ETS1: variants seen among roughly 807,000 people sequenced by gnomAD.
The protein encoded by ETS1 is protein C-ets-1.
A neutral mutation model predicts 58.6 loss-of-function variants in ETS1; 15 were observed. The observed-to-expected ratio is 0.26, with a 90% CI of 0.17 to 0.39. The LOEUF (loss-of-function observed/expected upper bound fraction) is 0.39, where lower values mean the gene tolerates loss of function less well. ETS1 is among the 10% of genes least tolerant of loss of function. The pLI is 1.00. For missense variants in ETS1, 417 were observed against 610.5 expected (o/e 0.68, Z 3.34); for synonymous variants, 214 against 218.2 (o/e 0.98, Z 0.17).
intron 3 of ETS1, among the ~76,000 whole-genome samples, chr11:128,513,696 T>C (rs1236260242): frequency 1.3e-5 from 2 of 152,158 alleles, no homozygotes; most frequent in Non-Finnish European, 2.9e-5. Flanking sequence ...AGTACAAAAG[T>C]CGGTTACATG....
intron 3 of ETS1, among the ~76,000 whole-genome samples, chr11:128,499,325 TC>T (rs1165429693): frequency 6.6e-6 from 1 of 152,102 alleles, no homozygotes. Flanking sequence ...TTCACTTAAC[TC>T]CCACCTATAA....
rs759946640 is a variant in ETS1, at chr11:128,573,076, G to A, written c.55C>T (p.Arg19Cys). Reference sequence around the variant, plus strand: ...CCACCACTCACCACCACTGCAGGACGAGGCGCTGAGTAAGGGACGGGGCTG... The same window carrying A: ...CCACCACTCACCACCACTGCAGGACAAGGCGCTGAGTAAGGGACGGGGCTG... ...GSSPVPYSAP[R>C]PAVVRQGPSN... The change falls in exon 2 of 10, where the codon CGT becomes TGT. Residue 19 changes from arginine to cysteine, a missense_variant. By Grantham distance (180) the Arg-to-Cys change is radical (BLOSUM62 -3). Coordinates refer to ENST00000392668, the MANE Select transcript of ETS1 (RefSeq NM_001143820.2). 2.4e-5 allele frequency: 39 copies of A among 1,604,406 alleles called. No homozygotes were observed. In the African/African-American group the frequency reaches 3.1e-4, roughly 13 times the overall value.
intron 8 of ETS1, among the ~76,000 whole-genome samples, chr11:128,479,924 T>A (rs1353441880): frequency 6.6e-6 from 1 of 151,698 alleles, no homozygotes; most frequent in Non-Finnish European, 1.5e-5. Flanking sequence ...CCCCCAGACA[T>A]GGAAAAACAC....
At chr11:128,544,561 T>A (rs1327629352) in intron 3 of ETS1, among the ~76,000 whole-genome samples, 1 of 151,934 alleles carries the variant, frequency 6.6e-6, no homozygotes, top group East Asian at 1.9e-4. Context: ...TCTCCCCGTC[T>A]CCAGAGCAGC....
chr11:128,521,850 G>A (rs1325606503), intron 3 of ETS1: 1 of 1,413,230 alleles, frequency 7.1e-7, no homozygotes, highest in Non-Finnish European at 9.7e-7. Context: ...GGGGGAAGAA[G>A]TCCAGGGGAC....
intron 3 of ETS1, among the ~76,000 whole-genome samples, chr11:128,542,976 C>T (rs142092962): frequency 0.013 from 2,000 of 152,128 alleles, 18 homozygotes; most frequent in Non-Finnish European, 0.02. Flanking sequence ...AGTTCAGGAC[C>T]AGCCTGGCTA....
intron 3 of ETS1, among the ~76,000 whole-genome samples, chr11:128,555,512 C>T (rs1335881320): frequency 6.6e-6 from 1 of 151,990 alleles, no homozygotes; most frequent in Non-Finnish European, 1.5e-5. Context: ...ATTTGGTATT[C>T]AAATATGTTA....
Position 128,534,552 on chromosome 11 carries a change from A to T in ETS1, c.214+21739T>A, listed in dbSNP as rs559008803. Reference sequence around the variant, plus strand: ...CTAGGTATTAAGCCCTGCACATATTAGCTATTTATCCTGATTTTCTCTTTC... The same window carrying T: ...CTAGGTATTAAGCCCTGCACATATTTGCTATTTATCCTGATTTTCTCTTTC... On this transcript the variant is annotated intron_variant, in intron 3 of 9. Coordinates refer to ENST00000392668, the MANE Select transcript of ETS1 (RefSeq NM_001143820.2). 4.4e-3 allele frequency among the ~76,000 whole-genome samples: 669 copies of T among 152,240 alleles called. 4 individuals are homozygous for T. The highest frequency in any genetic ancestry group is 0.015 in the African/African-American group (614 of 41,532).
At chr11:128,497,025 C>A (rs1862961699) in intron 3 of ETS1, among the ~76,000 whole-genome samples, 1 of 152,170 alleles carries the variant, frequency 6.6e-6, no homozygotes. Context: ...TTGTCCCAAA[C>A]AACAGGACAC....
At chr11:128,583,317 G>T (rs571906443) in intron 1 of ETS1, among the ~76,000 whole-genome samples, 1 of 152,206 alleles carries the variant, frequency 6.6e-6, no homozygotes, top group East Asian at 1.9e-4. Context: ...GGGGAGAATT[G>T]AGTAGCTCAG....
chr11:128,485,933 T>G, intron 6 of ETS1, 136 bp downstream of exon 6: 1 of 614,760 alleles, frequency 1.6e-6, no homozygotes, highest in Non-Finnish European at 2.9e-6. Context: ...TAAAATAAAG[T>G]AACAAAGAAG....
intron 3 of ETS1, among the ~76,000 whole-genome samples, chr11:128,507,290 G>C (rs1405202242): frequency 1.3e-5 from 2 of 152,190 alleles, no homozygotes; most frequent in African/African-American, 4.8e-5. Flanking sequence ...AGAGGGAGCG[G>C]AGTGGGCAGA....
intron 3 of ETS1, among the ~76,000 whole-genome samples, chr11:128,548,215 G>A (rs1864167705): frequency 6.6e-6 from 1 of 150,404 alleles, no homozygotes; most frequent in African/African-American, 2.4e-5. Context: ...GGAAGAAAAG[G>A]AGGGAGGGGA....
At chr11:128,515,575 A>G (rs1353788689) in intron 3 of ETS1, among the ~76,000 whole-genome samples, 1 of 152,202 alleles carries the variant, frequency 6.6e-6, no homozygotes, top group East Asian at 1.9e-4. Context: ...AGAAAGTACG[A>G]TTGACCAAAT....
chr11:128,544,463 AC>A (rs1864103065), intron 3 of ETS1, among the ~76,000 whole-genome samples: 2 of 151,136 alleles, frequency 1.3e-5, no homozygotes, highest in African/African-American at 4.9e-5. Flanking sequence ...TACTGAAGCT[AC>A]AAGCCTAATC....
chr11:128,573,249 C>G (rs1864675345), intron 1 of ETS1, 105 bp from the exon 2 acceptor site: 1 of 752,014 alleles, frequency 1.3e-6, no homozygotes, highest in South Asian at 1.6e-5. Flanking sequence ...TCCTTAGGAG[C>G]CAACCAGTTC....
chr11:128,585,344 GAAGC>G lies in ETS1; in HGVS notation c.-15+2140_-15+2143del, dbSNP rs879858642. On this transcript the variant is annotated intron_variant, in intron 1 of 9. Coordinates refer to ENST00000392668, the MANE Select transcript of ETS1 (RefSeq NM_001143820.2). ...GGAAGGAAGGAAGCAAGGAAGGAAGGAAGCAAGGAAGGAAGGAAGGGTCCCAGCT... is the reference window on the plus strand; with the variant it reads ...GGAAGGAAGGAAGCAAGGAAGGAAGGAAGGAAGGAAGGAAGGGTCCCAGCT... Among the ~76,000 whole-genome samples, 202 of 130,158 alleles carry G rather than the reference GAAGC, an allele frequency of 1.6e-3. 5 individuals carry two copies. Among genetic ancestry groups the G allele is most frequent in the Admixed American group, 2.6e-3 (36 of 13,842 alleles). 85.4% of individuals were successfully genotyped at this position (130,158 alleles called of 152,430 possible). A position where few individuals can be genotyped will look rare whatever the true frequency, so the allele number is the denominator to read the frequency against.
chr11:128,577,755 A>G (rs1207260406), intron 1 of ETS1, among the ~76,000 whole-genome samples: 1 of 152,104 alleles, frequency 6.6e-6, no homozygotes, highest in Non-Finnish European at 1.5e-5. Context: ...TTTGCACCCA[A>G]ACAGGTCTCA....
At chr11:128,543,243 A>G (rs1178824569) in intron 3 of ETS1, among the ~76,000 whole-genome samples, 1 of 151,970 alleles carries the variant, frequency 6.6e-6, no homozygotes, top group Non-Finnish European at 1.5e-5. Flanking sequence ...ATAATAATTT[A>G]TTTTTCAAAA....
Sources: gnomAD v4.1 joint callset for allele counts (sites outside exome capture counted in the v4.1 genomes callset) on GRCh38, gnomAD v4.1.1 for gene constraint, MANE v1.5 for transcripts, NCBI Gene and HGNC (gene_info 2026-07-23, HGNC 2026-07-21) for gene names.